The following CD5L variants were observed in gnomAD, a reference collection of about 807,000 sequenced individuals.
CD5L encodes CD5 molecule like, also known as CD5 antigen-like.
In CD5L, 39 loss-of-function variants were observed where a neutral mutation model predicts 40.8. The observed-to-expected ratio is 0.96, with a 90% CI of 0.74 to 1.25. The LOEUF (loss-of-function observed/expected upper bound fraction) is 1.25. Ranked by LOEUF, CD5L falls within the 50% of genes most tolerant of loss-of-function variation. CD5L has a pLI of 0.00. For synonymous variants in CD5L, 192 were observed against 169.6 expected (o/e 1.13, Z -1.03); for missense variants, 433 against 435.9 (o/e 0.99, Z 0.06).
At chr1:157,839,902 A>T (rs1656318433) in intron 1 of CD5L, among the ~76,000 whole-genome samples, 1 of 152,194 alleles carries the variant, frequency 6.6e-6, no homozygotes, top group Non-Finnish European at 1.5e-5. Context: ...TCTTACTGTA[A>T]GAGGCCAGAC....
At chr1:157,835,365 A>G (rs1364907551) in intron 3 of CD5L, among the ~76,000 whole-genome samples, 1 of 152,214 alleles carries the variant, frequency 6.6e-6, no homozygotes, top group Non-Finnish European at 1.5e-5. Context: ...GTATCTTTCT[A>G]TCATCTATCC....
intron 1 of CD5L, among the ~76,000 whole-genome samples, chr1:157,841,002 C>T (rs777145786): frequency 6.6e-6 from 1 of 152,020 alleles, no homozygotes; most frequent in Non-Finnish European, 1.5e-5. Context: ...ATTTACCAGG[C>T]ATTGTTAGAT....
Position 157,831,594 on chromosome 1 carries a change from AT to A in CD5L, c.*369del. ...ATTAGTAATAGGACCTAGATTAGTA[AT>A]GTTTGCAGACATAGACCTTAGTAAT... is the stretch of plus-strand genomic sequence containing the variant. On this transcript the variant is annotated 3_prime_UTR_variant, in exon 6 of 6. Transcript: ENST00000368174. 1 of 1,059,906 alleles carries A rather than the reference AT, an allele frequency of 9.4e-7. No individual in the cohort carries two copies. Among genetic ancestry groups the A allele is most frequent in the Non-Finnish European group, 1.1e-6 (1 of 878,862 alleles). The allele number at this position is 1,059,906 out of a possible 1,614,324, so 65.7% of individuals were successfully genotyped here. A position where few individuals can be genotyped will look rare whatever the true frequency, so the allele number is the denominator to read the frequency against.
intron 2 of CD5L, among the ~76,000 whole-genome samples, chr1:157,837,956 T>G (rs1194661313): frequency 6.6e-6 from 1 of 151,868 alleles, no homozygotes; most frequent in Admixed American, 6.6e-5. Context: ...TTTTGTATTT[T>G]TAGTAGAGAC....
chr1:157,827,263 G>GGTGTGTGT (rs1165362017), downstream of CD5L, among the ~76,000 whole-genome samples: 1 of 117,000 alleles, frequency 8.5e-6, no homozygotes, highest in African/African-American at 3.2e-5. Context: ...CAGGACAAAT[G>GGTGTGTGT]GTGTATGTGT....
At position 157,830,931 on chromosome 1, in the gene CD5L, G is replaced by A; in HGVS notation, c.*1033C>T. 2 of 984,504 alleles carry A rather than the reference G, an allele frequency of 2.0e-6. No individual in the cohort carries two copies. Among genetic ancestry groups the A allele is most frequent in the Non-Finnish European group, 1.2e-6 (1 of 829,104 alleles). 61.0% of individuals were successfully genotyped at this position (984,504 alleles called of 1,614,324 possible). ...GGCAATTGTTGAGACTGTGAAATCT[G>A]ATTTATTAGATAAGTGTAAATGTGT... On this transcript the variant is annotated 3_prime_UTR_variant, in exon 6 of 6. Coordinates refer to ENST00000368174, the MANE Select transcript of CD5L (RefSeq NM_005894.3).
At chr1:157,829,128 G>C (rs1655977970), downstream of CD5L, among the ~76,000 whole-genome samples, 1 of 152,214 alleles carries the variant, frequency 6.6e-6, no homozygotes, top group Admixed American at 6.5e-5. Flanking sequence ...TGACGGCAAT[G>C]GGTTGTTAGA....
At chr1:157,830,544 G>T (rs142835065), downstream of CD5L, among the ~76,000 whole-genome samples, 28 of 152,314 alleles carry the variant, frequency 1.8e-4, 1 homozygote, top group East Asian at 4.0e-3. Context: ...TTTCCCTGAT[G>T]ATTGAACTGT....
downstream of CD5L, among the ~76,000 whole-genome samples, chr1:157,828,210 G>A (rs2765493): frequency 0.41 from 62,578 of 151,952 alleles, 15,244 homozygotes; most frequent in East Asian, 0.55. Flanking sequence ...ACCTCAGAAG[G>A]GAGAACCTCT....
At chr1:157,830,822 C>T (rs1359395675), downstream of CD5L, 1 of 451,668 alleles carries the variant, frequency 2.2e-6, no homozygotes, top group East Asian at 1.6e-4. Flanking sequence ...AGGTTCTCTT[C>T]TACCTAACCC....
At chr1:157,835,343 C>T (rs1656176135) in intron 3 of CD5L, among the ~76,000 whole-genome samples, 1 of 152,174 alleles carries the variant, frequency 6.6e-6, no homozygotes, top group Non-Finnish European at 1.5e-5. Flanking sequence ...GAGCACAGAT[C>T]CGTTTGTCTA....
chr1:157,836,359 T>C (rs1477324392), intron 2 of CD5L, among the ~76,000 whole-genome samples: 1 of 152,176 alleles, frequency 6.6e-6, no homozygotes, highest in Non-Finnish European at 1.5e-5. Flanking sequence ...GCCTTAATGG[T>C]ACCCTGTCAA....
At chr1:157,838,429 GA>G (rs1656278375) in intron 2 of CD5L, among the ~76,000 whole-genome samples, 1 of 152,082 alleles carries the variant, frequency 6.6e-6, no homozygotes, top group East Asian at 1.9e-4. Flanking sequence ...CATACTCCAA[GA>G]AATACTAGCT....
intron 3 of CD5L, 67 bp downstream of exon 3, chr1:157,835,768 G>T: frequency 7.5e-7 from 1 of 1,329,226 alleles, no homozygotes; most frequent in Non-Finnish European, 1.0e-6. Flanking sequence ...AGGGAATGAA[G>T]ACCAACAAGA....
downstream of CD5L, among the ~76,000 whole-genome samples, chr1:157,827,719 C>T (rs1655941357): frequency 6.6e-6 from 1 of 152,082 alleles, no homozygotes; most frequent in Non-Finnish European, 1.5e-5. Context: ...AAGGTTTAAC[C>T]AAATATATGG....
chr1:157,835,864 T>C lies in CD5L; in HGVS notation c.347A>G (p.His116Arg), dbSNP rs1656197248. The change falls in exon 3 of 6, where the codon CAT (histidine) becomes CGT (arginine). Residue 116 changes from histidine (H) to arginine (R), a missense_variant. Physicochemically the swap from His to Arg is conservative, Grantham distance 29. Coordinates refer to ENST00000368174, the MANE Select transcript of CD5L (RefSeq NM_005894.3). Reference protein sequence around the residue: ...CEQEEVYDCSHDEDAGASCEN... With the variant: ...CEQEEVYDCSRDEDAGASCEN... ...ACACGATGCCCCAGCATCTTCATCA[T>C]GTGAACAATCATAAACTTCTTCTTG... 6.2e-7 allele frequency: 1 copy of C among 1,613,790 alleles called. No individual in the cohort carries two copies. Among genetic ancestry groups the C allele is most frequent in the South Asian group, 1.1e-5 (1 of 91,072 alleles).
At chr1:157,835,664 G>A (rs1263816264) in intron 3 of CD5L, among the ~76,000 whole-genome samples, 171 bp downstream of exon 3, 2 of 152,168 alleles carry the variant, frequency 1.3e-5, no homozygotes, top group African/African-American at 4.8e-5. Flanking sequence ...GCAGTTCTAG[G>A]TGAGGATATT....
chr1:157,833,065 G>A (rs1471335063), intron 5 of CD5L, 127 bp downstream of exon 5: 1 of 760,834 alleles, frequency 1.3e-6, no homozygotes, highest in Non-Finnish European at 2.2e-6. Flanking sequence ...TACAGAGCAG[G>A]TGATGACTAT....
At chr1:157,838,023 G>A (rs989510472) in intron 2 of CD5L, among the ~76,000 whole-genome samples, 46 of 152,052 alleles carry the variant, frequency 3.0e-4, no homozygotes, top group Admixed American at 9.8e-4. Flanking sequence ...TGACCTGCCC[G>A]CCTTCGCCTC....
Sources: allele counts gnomAD v4.1 joint callset (sites outside exome capture counted in the v4.1 genomes callset), GRCh38; gene constraint gnomAD v4.1.1; transcripts MANE v1.5; gene names NCBI Gene and HGNC (gene_info 2026-07-23, HGNC 2026-07-21).